The following CALY variants were observed in gnomAD, a reference collection of about 807,000 sequenced individuals.
The protein encoded by CALY is calcyon neuron specific vesicular protein.
In CALY, 15 loss-of-function variants were observed where a neutral mutation model predicts 20.2. The observed-to-expected ratio is 0.74, with a 90% CI of 0.50 to 1.14. CALY has a LOEUF of 1.14. CALY is among the 50% of genes most tolerant of loss of function. The pLI, the probability that CALY is intolerant of heterozygous loss-of-function variation, is 0.00. For missense variants in CALY, 270 were observed against 304.4 expected, an observed-to-expected ratio of 0.89 and a Z score of 0.84; for synonymous variants, 129 against 131.8, an observed-to-expected ratio of 0.98 and a Z score of 0.15.
chr10:133,326,025 CG>C lies in CALY; in HGVS notation c.455del (p.Pro152ArgfsTer2). ...TCTCCGTGCCGTGCTTGCGGCTCAG[CG>C]GGTAGGCCCCGATGGCCGCCAGGAT... ...RSILAAIGAY[P>X]LSRKHGTETP... On this transcript the variant is annotated frameshift_variant, in exon 5 of 6. Coordinates refer to ENST00000252939, the MANE Select transcript of CALY (RefSeq NM_015722.4). LOFTEE classifies it high-confidence loss of function. 6.3e-7 allele frequency: 1 copy of C among 1,586,662 alleles called. No homozygotes were observed. The highest frequency in any genetic ancestry group is 1.1e-5 in the South Asian group (1 of 87,678).
In CALY at chr10:133,324,282, C is replaced by G. The variant is rs949298646; in HGVS notation, c.*1313G>C. The G allele has an allele frequency of 1.8e-5, 8 of 453,062 alleles. No homozygotes were observed. The highest frequency in any genetic ancestry group is 1.4e-4 in the African/African-American group (7 of 50,126). The allele number at this position is 453,062 out of a possible 1,614,324, so 28.1% of individuals were successfully genotyped here. On this transcript the variant is annotated 3_prime_UTR_variant, in exon 6 of 6. Coordinates refer to ENST00000252939, the MANE Select transcript of CALY (RefSeq NM_015722.4). The stretch of plus-strand genomic sequence containing the variant: ...GTGCATGGCCCTGCCTTCCCTGACC[C>G]CACCTGGCTGGCTTCCAGCTCACCA...
At chr10:133,325,708 G>C in intron 5 of CALY, 91 bp downstream of exon 5, 2 of 548,242 alleles carry the variant, frequency 3.6e-6, no homozygotes, top group Non-Finnish European at 5.3e-6. Context: ...AGGAAGGGAA[G>C]GGTGGCGGGG....
chr10:133,332,824 C>T (rs1383067051), intron 1 of CALY, among the ~76,000 whole-genome samples: 1 of 151,834 alleles, frequency 6.6e-6, no homozygotes, highest in Non-Finnish European at 1.5e-5. Flanking sequence ...TATGTGTAGA[C>T]GGAGCAGAGA....
At chr10:133,334,040 CGGGGAAGGCTCTGAGG>C (rs1848377197) in intron 1 of CALY, among the ~76,000 whole-genome samples, 1 of 20,624 alleles carries the variant, frequency 4.8e-5, no homozygotes. Flanking sequence ...AGGATCTGAG[CGGGGAAGGCTCTGAGG>C]GGGGAAGGCT....
intron 1 of CALY, among the ~76,000 whole-genome samples, chr10:133,330,771 T>C (rs1848292788): frequency 1.3e-5 from 2 of 149,366 alleles, no homozygotes; most frequent in Admixed American, 6.7e-5. Flanking sequence ...GTAATGCACG[T>C]CCACAAAACT....
rs1848219453 is a variant in CALY at position 133,326,748 on chromosome 10, G to C, written c.360+130C>G. 3 of 630,098 alleles carry C rather than the reference G, an allele frequency of 4.8e-6. No individual in the cohort carries two copies. In the South Asian group the frequency reaches 5.6e-5, roughly 12 times the overall value. The allele number at this position is 630,098 out of a possible 1,614,324, so 39.0% of individuals were successfully genotyped here. ...AAAAGATACGATCTCATGTTCTAGA[G>C]AAGTAACAGGAACATGGCTTTGGAG... On this transcript the variant is annotated intron_variant, in intron 4 of 5. Transcript: ENST00000252939.
chr10:133,330,350 CAAAAAAAAAA>C (rs59986083), intron 1 of CALY, among the ~76,000 whole-genome samples: 591 of 36,836 alleles, frequency 0.016, 10 homozygotes, highest in Middle Eastern at 0.083. Context: ...GAAACTCTGC[CAAAAAAAAAA>C]AAAAAAAAAA....
In CALY at chr10:133,325,906, G is replaced by T. The variant is rs987402732; in HGVS notation, c.575C>A (p.Pro192His). The T allele has an allele frequency of 1.5e-6, 2 of 1,293,992 alleles. No individual in the cohort carries two copies. Among genetic ancestry groups the T allele is most frequent in the Admixed American group, 4.0e-5 (1 of 25,050 alleles). 80.2% of individuals were successfully genotyped at this position (1,293,992 alleles called of 1,614,324 possible). A position where few individuals can be genotyped will look rare whatever the true frequency, so the allele number is the denominator to read the frequency against. ...AGAAAAATEP[P>H]GKPSAKAEKE... Reference sequence around the variant, plus strand: ...CTCCGCCTTGGCCGACGGCTTCCCGGGGGGTTCGGTGGCCGCCGCCGCCGC... The same window carrying T: ...CTCCGCCTTGGCCGACGGCTTCCCGTGGGGTTCGGTGGCCGCCGCCGCCGC... Residue 192 changes from proline (P) to histidine (H), a missense_variant, in exon 5 of 6, where the codon CCC becomes CAC. Coordinates refer to ENST00000252939, the MANE Select transcript of CALY (RefSeq NM_015722.4).
rs1430902046 is a variant in CALY at position 133,328,700 on chromosome 10, G to C, written c.135+155C>G. Among the ~76,000 whole-genome samples the C allele has an allele frequency of 3.9e-5, 6 of 152,330 alleles. 1 individual carries two copies. The South Asian group carries it at 1.2e-3, about 32-fold the overall frequency. ...GGAGCTGACCAGGAGGTCACACAGA[G>C]TGCCCATGGCCAGCTGGGGCTTTGG... is the stretch of plus-strand genomic sequence containing the variant. On this transcript the variant is annotated intron_variant, in intron 2 of 5. Transcript: ENST00000252939.
rs552406858 is a variant in CALY at position 133,327,156 on chromosome 10, G to A, written c.247-165C>T. Among the ~76,000 whole-genome samples, 17 of 152,322 alleles carry A rather than the reference G, an allele frequency of 1.1e-4. 1 individual carries two copies. In the East Asian group the frequency reaches 3.3e-3, roughly 29 times the overall value. ...CTTTTCCAACTTTTCCGAGGGTCAAGTGTGCAGGCGTCACCCCTCGGGGCC... is the reference window on the plus strand; with the variant it reads ...CTTTTCCAACTTTTCCGAGGGTCAAATGTGCAGGCGTCACCCCTCGGGGCC... On this transcript the variant is annotated intron_variant, in intron 3 of 5. Coordinates refer to ENST00000252939, the MANE Select transcript of CALY (RefSeq NM_015722.4).
At chr10:133,327,333 C>T (rs995741229) in intron 3 of CALY, 2 of 490,878 alleles carry the variant, frequency 4.1e-6, no homozygotes, top group Admixed American at 3.5e-5. Flanking sequence ...TCAGGGGAGT[C>T]GGAGGCTGCA....
intron 1 of CALY, among the ~76,000 whole-genome samples, chr10:133,330,488 T>G (rs1168349743): frequency 7.0e-6 from 1 of 142,312 alleles, no homozygotes; most frequent in African/African-American, 2.7e-5. Flanking sequence ...AAACCCCGTC[T>G]CTACTAAAAA....
At position 133,324,172 on chromosome 10, in the gene CALY, T is replaced by C. The variant is rs1256987320; in HGVS notation, c.*1423A>G. ...CCCCAGGCCCCGGGCCCCCCTCCCT[T>C]GCAGGCCATCAGGGCCAATTCAGTT... On this transcript the variant is annotated 3_prime_UTR_variant, in exon 6 of 6. Coordinates refer to ENST00000252939, the MANE Select transcript of CALY (RefSeq NM_015722.4). 3.0e-6 allele frequency: 1 copy of C among 334,718 alleles called. No homozygotes were observed. The highest frequency in any genetic ancestry group is 8.7e-5 in the East Asian group (1 of 11,510). 20.7% of individuals were successfully genotyped at this position (334,718 alleles called of 1,614,324 possible).
rs372078376 is a variant in CALY, at chr10:133,328,920, T to C, written c.70A>G (p.Met24Val). Residue 24 changes from methionine (M) to valine (V), a missense_variant, in exon 2 of 6, where the codon ATG becomes GTG. Met to Val is a conservative substitution (Grantham distance 21). Coordinates refer to ENST00000252939, the MANE Select transcript of CALY (RefSeq NM_015722.4). ...GGGCTGATCAGAGGCACACTGTCCA[T>C]GGCAGCCCCATCCTGGTCCCCAGGG... ...KDPGDQDGAA[M>V]DSVPLISPLD... The C allele has an allele frequency of 2.6e-6, 4 of 1,556,636 alleles. No homozygotes were observed. The African/African-American group carries it at 4.1e-5, about 16-fold the overall frequency.
chr10:133,332,506 C>T (rs988746088), intron 1 of CALY, among the ~76,000 whole-genome samples: 3 of 152,164 alleles, frequency 2.0e-5, no homozygotes, highest in Non-Finnish European at 4.4e-5. Flanking sequence ...GATAAAATGA[C>T]TTCATTAAAA....
intron 1 of CALY, among the ~76,000 whole-genome samples, chr10:133,335,818 A>C (rs1187436772): frequency 2.6e-5 from 4 of 152,062 alleles, no homozygotes; most frequent in Non-Finnish European, 4.4e-5. Flanking sequence ...GCAGGGAGGC[A>C]GTGCCCGGCT....
chr10:133,334,744 G>A (rs577131513), intron 1 of CALY, among the ~76,000 whole-genome samples: 1 of 152,142 alleles, frequency 6.6e-6, no homozygotes, highest in South Asian at 2.1e-4. Flanking sequence ...GATGGGGGAG[G>A]CCACTCTGAG....
intron 3 of CALY, chr10:133,327,316 C>A: frequency 2.0e-6 from 1 of 494,254 alleles, no homozygotes; most frequent in South Asian, 2.7e-5. Flanking sequence ...GGGATGGGGC[C>A]GCAGCCTCAG....
chr10:133,329,839 T>A (rs1298956988), intron 1 of CALY, among the ~76,000 whole-genome samples: 1 of 150,206 alleles, frequency 6.7e-6, no homozygotes, highest in Non-Finnish European at 1.5e-5. Flanking sequence ...TGGGACGTGC[T>A]TATCCTGAAG....
Sources: gnomAD v4.1 joint callset for allele counts (sites outside exome capture counted in the v4.1 genomes callset) on GRCh38, gnomAD v4.1.1 for gene constraint, MANE v1.5 for transcripts, NCBI Gene and HGNC (gene_info 2026-07-23, HGNC 2026-07-21) for gene names.